SLC27A6: variants seen among roughly 807,000 people sequenced by gnomAD.
SLC27A6 encodes solute carrier family 27 member 6.
In SLC27A6, 74 loss-of-function variants were observed where a neutral mutation model predicts 63.9. The ratio of observed to expected loss-of-function variants is 1.16; its 90% CI spans 0.96 to 1.40. SLC27A6 has a LOEUF of 1.40. SLC27A6 is among the 40% of genes most tolerant of loss of function. SLC27A6 has a pLI of 0.00. For missense variants in SLC27A6, 794 were observed against 732.9 expected, an observed-to-expected ratio of 1.08 and a Z score of -0.96; for synonymous variants, 287 against 260.8, an observed-to-expected ratio of 1.10 and a Z score of -0.97.
intron 8 of SLC27A6, 23 bp from the exon 9 acceptor site, chr5:129,029,554 C>T (rs1561635100): frequency 1.3e-6 from 2 of 1,517,776 alleles, no homozygotes; most frequent in Non-Finnish European, 8.9e-7. Flanking sequence ...TTAAAAATGA[C>T]TCTATTTCAA....
intron 1 of SLC27A6, 80 bp downstream of exon 1, chr5:128,966,698 T>C: frequency 7.5e-7 from 1 of 1,328,138 alleles, no homozygotes; most frequent in Non-Finnish European, 9.7e-7. Context: ...TTTAGGATAA[T>C]TCGTAACTAA....
intron 1 of SLC27A6, among the ~76,000 whole-genome samples, chr5:128,971,445 T>C (rs1001844947): frequency 3.9e-5 from 6 of 152,124 alleles, no homozygotes; most frequent in Non-Finnish European, 8.8e-5. Context: ...GGTGTTCCTG[T>C]ATTGGGTGCA....
At chr5:128,973,658 A>G (rs1750272850) in intron 1 of SLC27A6, among the ~76,000 whole-genome samples, 2 of 152,162 alleles carry the variant, frequency 1.3e-5, no homozygotes, top group African/African-American at 2.4e-5. Context: ...GAGTATCCCG[A>G]GTTTCCAGGT....
chr5:128,972,044 A>C (rs532172544), intron 1 of SLC27A6, among the ~76,000 whole-genome samples: 2 of 152,264 alleles, frequency 1.3e-5, no homozygotes, highest in East Asian at 3.9e-4. Context: ...CTGGATATGA[A>C]ATTCTGGGTT....
At chr5:128,974,995 T>C (rs1750327397) in intron 1 of SLC27A6, among the ~76,000 whole-genome samples, 1 of 152,206 alleles carries the variant, frequency 6.6e-6, no homozygotes, top group South Asian at 2.1e-4. Context: ...TACAACCTTA[T>C]TTGATGTTAG....
intron 1 of SLC27A6, among the ~76,000 whole-genome samples, chr5:128,976,520 A>G (rs184907918): frequency 6.6e-6 from 1 of 151,496 alleles, no homozygotes; most frequent in African/African-American, 2.4e-5. Flanking sequence ...GTCTCAAACA[A>G]AACAAAACAA....
At chr5:129,010,476 C>T (rs184909746) in intron 4 of SLC27A6, among the ~76,000 whole-genome samples, 48 of 152,254 alleles carry the variant, frequency 3.2e-4, no homozygotes, top group Non-Finnish European at 6.3e-4. Context: ...TCGTATCAGA[C>T]TTTAAAGCAG....
chr5:128,993,371 C>T (rs1055761523), intron 4 of SLC27A6, among the ~76,000 whole-genome samples: 8 of 152,136 alleles, frequency 5.3e-5, no homozygotes, highest in Non-Finnish European at 8.8e-5. Flanking sequence ...CTCAATAATG[C>T]TTTGTTTGAA....
intron 1 of SLC27A6, among the ~76,000 whole-genome samples, chr5:128,973,508 A>G (rs1202948982): frequency 6.6e-6 from 1 of 152,028 alleles, no homozygotes; most frequent in African/African-American, 2.4e-5. Flanking sequence ...CCTTGCTGCC[A>G]CCTCGCAGTT....
chr5:129,013,006 TG>T (rs1408371381), intron 4 of SLC27A6, among the ~76,000 whole-genome samples: 2 of 152,026 alleles, frequency 1.3e-5, no homozygotes, highest in African/African-American at 4.8e-5. Context: ...ATCTGTTATT[TG>T]TTCCCTTTCC....
intron 3 of SLC27A6, among the ~76,000 whole-genome samples, chr5:128,989,816 C>A (rs973125120): frequency 6.7e-6 from 1 of 149,764 alleles, no homozygotes; most frequent in Non-Finnish European, 1.5e-5. Context: ...CCCAGCTACT[C>A]GGGAGGCTGA....
chr5:128,993,088 C>T lies in SLC27A6; in HGVS notation c.969+2624C>T, dbSNP rs12656532. ...TAGCCAAAGTATGTGGATACTTTTGCGATTTATAGAAAATATTTCTAAATT... is the reference window on the plus strand; with the variant it reads ...TAGCCAAAGTATGTGGATACTTTTGTGATTTATAGAAAATATTTCTAAATT... On this transcript the variant is annotated intron_variant, in intron 4 of 9. Transcript: ENST00000262462. 7.9e-4 allele frequency among the ~76,000 whole-genome samples: 121 copies of T among 152,240 alleles called. No homozygotes were observed. In the East Asian group the frequency reaches 0.019, roughly 23 times the overall value.
chr5:129,031,425 T>C (rs1752410579), intron 9 of SLC27A6, among the ~76,000 whole-genome samples: 1 of 151,942 alleles, frequency 6.6e-6, no homozygotes, highest in African/African-American at 2.4e-5. Flanking sequence ...TAATATTCAG[T>C]GTGGCTGGGA....
At chr5:129,017,944 G>T (rs1047700541) in intron 5 of SLC27A6, among the ~76,000 whole-genome samples, 1 of 152,062 alleles carries the variant, frequency 6.6e-6, no homozygotes, top group African/African-American at 2.4e-5. Context: ...TGCAGAAGGA[G>T]AAAAAACTTC....
chr5:128,976,761 A>G (rs1750401361), intron 1 of SLC27A6, among the ~76,000 whole-genome samples: 1 of 152,198 alleles, frequency 6.6e-6, no homozygotes, highest in South Asian at 2.1e-4. Flanking sequence ...AAGACACAGG[A>G]TTTTTACTTC....
intron 6 of SLC27A6, among the ~76,000 whole-genome samples, chr5:129,025,721 TATGATGATGATG>T (rs562276860): frequency 6.6e-6 from 1 of 151,720 alleles, no homozygotes; most frequent in East Asian, 1.9e-4. Context: ...ATGGTGATGA[TATGATGATGATG>T]ATGATGATGA....
In SLC27A6 at chr5:128,991,238, G is replaced by A. The variant is rs115686983; in HGVS notation, c.969+774G>A. Among the ~76,000 whole-genome samples, 567 of 152,254 alleles carry A rather than the reference G, an allele frequency of 3.7e-3. 1 individual carries two copies. Among genetic ancestry groups the A allele is most frequent in the African/African-American group, 0.013 (532 of 41,544 alleles). ...TTATGACCTGATTGGCCGGGTGTGA[G>A]CTGAGTTACAAGCCCCATGTTTAAA... On this transcript the variant is annotated intron_variant, in intron 4 of 9. Coordinates refer to ENST00000262462, the MANE Select transcript of SLC27A6 (RefSeq NM_001017372.3).
chr5:128,974,241 A>G (rs1315073582), intron 1 of SLC27A6, among the ~76,000 whole-genome samples: 3 of 152,186 alleles, frequency 2.0e-5, no homozygotes, highest in African/African-American at 7.2e-5. Flanking sequence ...TTGCTTGCCA[A>G]TAACTAATTG....
At chr5:129,013,833 C>T (rs1751806506) in intron 4 of SLC27A6, among the ~76,000 whole-genome samples, 1 of 152,066 alleles carries the variant, frequency 6.6e-6, no homozygotes, top group African/African-American at 2.4e-5. Flanking sequence ...TCTCATATGT[C>T]TTTTACTTCC....
Sources: gnomAD v4.1 joint callset for allele counts (sites outside exome capture counted in the v4.1 genomes callset) on GRCh38, gnomAD v4.1.1 for gene constraint, MANE v1.5 for transcripts, NCBI Gene and HGNC (gene_info 2026-07-23, HGNC 2026-07-21) for gene names.